VAT1L: variants seen among roughly 807,000 people sequenced by gnomAD.
The protein encoded by VAT1L is vesicle amine transport 1 like.
In VAT1L, 34 loss-of-function variants were observed where a neutral mutation model predicts 44.1. That is an observed-to-expected ratio of 0.77 (90% CI 0.59 to 1.03). The LOEUF (loss-of-function observed/expected upper bound fraction) is 1.03, where lower values mean the gene tolerates loss of function less well. VAT1L is among the 50% of genes least tolerant of loss of function. The pLI, the probability that VAT1L is intolerant of heterozygous loss-of-function variation, is 0.00. For synonymous variants in VAT1L, 253 were observed against 202.2 expected (o/e 1.25, Z -2.13); for missense variants, 615 against 538.8 (o/e 1.14, Z -1.40).
chr16:77,934,996 TA>T (rs762287648), intron 7 of VAT1L, among the ~76,000 whole-genome samples: 1 of 152,052 alleles, frequency 6.6e-6, no homozygotes, highest in Non-Finnish European at 1.5e-5. Flanking sequence ...TCTTTGAGTA[TA>T]GGGGGGATAA....
chr16:77,896,040 A>C (rs2017320926), intron 7 of VAT1L, among the ~76,000 whole-genome samples: 1 of 152,194 alleles, frequency 6.6e-6, no homozygotes, highest in African/African-American at 2.4e-5. Flanking sequence ...CATCAGGCTG[A>C]GCACAGAGTG....
rs764645985 is a variant in VAT1L at position 77,876,354 on chromosome 16, C to T, written c.723-16C>T. Reference sequence around the variant, plus strand: ...TGACAGGTCACAGAATTTTGCTTTGCCTTCTCACCATTTAGAATCTCTGCT... The same window carrying T: ...TGACAGGTCACAGAATTTTGCTTTGTCTTCTCACCATTTAGAATCTCTGCT... On this transcript the variant is annotated splice_polypyrimidine_tract_variant and intron_variant, in intron 4 of 8. Coordinates refer to ENST00000302536, the MANE Select transcript of VAT1L (RefSeq NM_020927.3). The T allele has an allele frequency of 6.8e-6, 11 of 1,612,498 alleles. No homozygotes were observed. The African/African-American group carries it at 8.0e-5, about 12-fold the overall frequency.
intron 8 of VAT1L, among the ~76,000 whole-genome samples, chr16:77,975,194 C>CTTTTTTTTGTTTT (rs2018323564): frequency 2.5e-5 from 1 of 39,836 alleles, no homozygotes; most frequent in Non-Finnish European, 4.2e-5. Flanking sequence ...GGAATGACCA[C>CTTTTTTTTGTTTT]TTTTTTTTTT....
chr16:77,945,391 A>G (rs1427349591), intron 7 of VAT1L, among the ~76,000 whole-genome samples: 1 of 148,260 alleles, frequency 6.7e-6, no homozygotes, highest in Non-Finnish European at 1.5e-5. Context: ...GGCTCAAGTG[A>G]TCTTACCACC....
intron 1 of VAT1L, among the ~76,000 whole-genome samples, chr16:77,803,040 T>G (rs925481892): frequency 2.0e-5 from 3 of 152,158 alleles, no homozygotes; most frequent in Non-Finnish European, 4.4e-5. Flanking sequence ...ACTTACACCT[T>G]CAGTGCAGAA....
chr16:77,977,054 T>C (rs1415463135), intron 8 of VAT1L, among the ~76,000 whole-genome samples: 1 of 152,150 alleles, frequency 6.6e-6, no homozygotes, highest in Non-Finnish European at 1.5e-5. Flanking sequence ...TCCCCTGCGC[T>C]CCAGGGGCAC....
intron 7 of VAT1L, among the ~76,000 whole-genome samples, chr16:77,941,963 G>A (rs1258736962): frequency 6.6e-6 from 1 of 152,054 alleles, no homozygotes; most frequent in African/African-American, 2.4e-5. Context: ...CTTTTTCTCT[G>A]CAACCTTGCC....
In VAT1L at chr16:77,792,010, C is replaced by T. The variant is rs142326108; in HGVS notation, c.233+3095C>T. On this transcript the variant is annotated intron_variant, in intron 1 of 8. Transcript: ENST00000302536. ...GAGGGACTTGAATATAAGCTTAAGCCTCATCTCTTCCTATCCATATGCCCC... is the reference window on the plus strand; with the variant it reads ...GAGGGACTTGAATATAAGCTTAAGCTTCATCTCTTCCTATCCATATGCCCC... 1.5e-3 allele frequency among the ~76,000 whole-genome samples: 223 copies of T among 152,290 alleles called. 1 individual carries two copies. Among genetic ancestry groups the T allele is most frequent in the Non-Finnish European group, 2.4e-3 (162 of 68,032 alleles).
intron 1 of VAT1L, among the ~76,000 whole-genome samples, chr16:77,816,199 C>G (rs76458474): frequency 0.03 from 4,526 of 152,014 alleles, 107 homozygotes; most frequent in Non-Finnish European, 0.043. Context: ...CTTTCTTATT[C>G]CAAAAGTAAT....
intron 7 of VAT1L, among the ~76,000 whole-genome samples, chr16:77,896,483 T>C (rs2017326317): frequency 6.6e-6 from 1 of 152,110 alleles, no homozygotes; most frequent in African/African-American, 2.4e-5. Context: ...AAAAGGTACT[T>C]AGCTTAATGA....
At chr16:77,836,078 G>A (rs925582881) in intron 3 of VAT1L, among the ~76,000 whole-genome samples, 3 of 152,118 alleles carry the variant, frequency 2.0e-5, no homozygotes, top group Non-Finnish European at 2.9e-5. Context: ...GGTATTACTT[G>A]TGAACTTGGG....
intron 3 of VAT1L, among the ~76,000 whole-genome samples, chr16:77,858,446 G>C (rs903279121): frequency 6.6e-6 from 1 of 152,226 alleles, no homozygotes; most frequent in African/African-American, 2.4e-5. Context: ...AAAATAGTAA[G>C]AGAGGACTTA....
chr16:77,922,875 C>T (rs768844613), intron 7 of VAT1L, among the ~76,000 whole-genome samples: 3 of 152,194 alleles, frequency 2.0e-5, no homozygotes, highest in Non-Finnish European at 4.4e-5. Context: ...AAAGTGTGCA[C>T]TGTGAACCAC....
At chr16:77,888,688 C>T (rs2017233065) in intron 7 of VAT1L, among the ~76,000 whole-genome samples, 2 of 152,210 alleles carry the variant, frequency 1.3e-5, no homozygotes, top group Admixed American at 1.3e-4. Flanking sequence ...CTGGCCTCTA[C>T]TCCCGTACCG....
At chr16:77,794,672 A>G (rs2015896069) in intron 1 of VAT1L, among the ~76,000 whole-genome samples, 1 of 152,192 alleles carries the variant, frequency 6.6e-6, no homozygotes, top group Admixed American at 6.5e-5. Context: ...TAAAACTAAG[A>G]TGTTGCTCAG....
intron 7 of VAT1L, among the ~76,000 whole-genome samples, chr16:77,915,818 T>C (rs1457033387): frequency 6.6e-6 from 1 of 152,106 alleles, no homozygotes; most frequent in African/African-American, 2.4e-5. Context: ...ACAAGATGTG[T>C]ATTTGGGACC....
chr16:77,809,827 C>A (rs1163275792), intron 1 of VAT1L, among the ~76,000 whole-genome samples: 1 of 152,158 alleles, frequency 6.6e-6, no homozygotes, highest in Non-Finnish European at 1.5e-5. Flanking sequence ...GTCAGCTAGT[C>A]TTGTGTTTTA....
intron 4 of VAT1L, among the ~76,000 whole-genome samples, chr16:77,864,410 T>C (rs535781101): frequency 8.5e-5 from 13 of 152,052 alleles, no homozygotes; most frequent in Non-Finnish European, 1.5e-4. Flanking sequence ...CTGGCCAACA[T>C]AGTGAAGCTC....
rs192638246 is a variant in VAT1L at position 77,860,815 on chromosome 16, C to T, written c.580-1933C>T. On this transcript the variant is annotated intron_variant, in intron 3 of 8. Transcript: ENST00000302536. ...GCCTGTCCAGAGTCTCAGGTTCATG[C>T]CCATATTCTGAAATGTTGACCTCCA... 5.9e-3 allele frequency among the ~76,000 whole-genome samples: 898 copies of T among 152,238 alleles called. 6 individuals are homozygous for T. Among genetic ancestry groups the T allele is most frequent in the African/African-American group, 0.021 (852 of 41,526 alleles).
Sources: gnomAD v4.1 joint callset for allele counts (sites outside exome capture counted in the v4.1 genomes callset) on GRCh38, gnomAD v4.1.1 for gene constraint, MANE v1.5 for transcripts, NCBI Gene and HGNC (gene_info 2026-07-23, HGNC 2026-07-21) for gene names.